ARHGAP32: variants seen among roughly 807,000 people sequenced by gnomAD.
The protein encoded by ARHGAP32 is rho GTPase-activating protein 32.
In ARHGAP32, 51 loss-of-function variants were observed where a neutral mutation model predicts 186.5. The observed-to-expected ratio is 0.27, with a 90% CI of 0.22 to 0.35. The LOEUF (loss-of-function observed/expected upper bound fraction) is 0.35. Ranked by LOEUF, ARHGAP32 falls within the 10% of genes least tolerant of loss-of-function variation. The pLI is 1.00. For synonymous variants in ARHGAP32, 950 were observed against 964.3 expected (o/e 0.99, Z 0.27); for missense variants, 2,186 against 2,623.5 (o/e 0.83, Z 3.64).
chr11:128,974,424 T>C lies in ARHGAP32; in HGVS notation c.2773A>G (p.Ile925Val), dbSNP rs767488400. Residue 925 changes from isoleucine (I) to valine (V), a missense_variant, in exon 21 of 23, where the codon ATT becomes GTT. Physicochemically the swap from Ile to Val is conservative, Grantham distance 29 (BLOSUM62 3). Transcript: ENST00000682385. ...ACCCGTGGTGGTAGGGTCACTGAAA[T>C]TGGCTCAGATATGCTCATAGAAGGT... The part of the protein sequence containing the change: ...KSPSMSISEP[I>V]SVTLPPRVSE... 2 of 1,614,050 alleles carry C rather than the reference T, an allele frequency of 1.2e-6. No individual in the cohort carries two copies. Among genetic ancestry groups the C allele is most frequent in the South Asian group, 2.2e-5 (2 of 91,082 alleles).
intron 11 of ARHGAP32, among the ~76,000 whole-genome samples, chr11:129,033,437 T>A (rs1005890684): frequency 2.0e-5 from 3 of 152,192 alleles, no homozygotes; most frequent in Non-Finnish European, 4.4e-5. Flanking sequence ...TAAATTTTAA[T>A]TATTCTGGTT....
chr11:129,060,347 AGATAGATAGATAGAT>A (rs1268025246), intron 10 of ARHGAP32, among the ~76,000 whole-genome samples: 402 of 120,100 alleles, frequency 3.3e-3, no homozygotes, highest in African/African-American at 0.011. Context: ...ATAGATAGAT[AGATAGATAGATAGAT>A]AGATAGATAG....
chr11:129,277,018 A>C (rs778188512), intron 1 of ARHGAP32, among the ~76,000 whole-genome samples: 1 of 152,224 alleles, frequency 6.6e-6, no homozygotes, highest in Non-Finnish European at 1.5e-5. Context: ...TTACTCTTTA[A>C]AAGTTCAACT....
intron 1 of ARHGAP32, among the ~76,000 whole-genome samples, chr11:129,187,767 A>G (rs1040521863): frequency 1.3e-5 from 2 of 152,224 alleles, no homozygotes; most frequent in African/African-American, 4.8e-5. Flanking sequence ...GTTACAAAAC[A>G]ATATAAGTTG....
intron 1 of ARHGAP32, among the ~76,000 whole-genome samples, chr11:129,225,188 A>G (rs1944763599): frequency 6.6e-6 from 1 of 152,172 alleles, no homozygotes; most frequent in Non-Finnish European, 1.5e-5. Flanking sequence ...AAAGATAAAT[A>G]CACTAATGAA....
chr11:129,006,103 C>T (rs1180182290), intron 11 of ARHGAP32, among the ~76,000 whole-genome samples: 2 of 152,208 alleles, frequency 1.3e-5, no homozygotes, highest in Admixed American at 1.3e-4. Flanking sequence ...ATCTCTTAAA[C>T]ATATCTGATA....
intron 1 of ARHGAP32, among the ~76,000 whole-genome samples, chr11:129,255,460 T>G (rs1188451230): frequency 1.3e-5 from 2 of 152,014 alleles, no homozygotes; most frequent in Non-Finnish European, 2.9e-5. Flanking sequence ...AGATCATCTC[T>G]CAGACATTAG....
At chr11:129,106,794 A>C (rs1942060202) in intron 5 of ARHGAP32, among the ~76,000 whole-genome samples, 1 of 152,218 alleles carries the variant, frequency 6.6e-6, no homozygotes, top group Non-Finnish European at 1.5e-5. Context: ...TGTAATGAAC[A>C]GAAAGAAGAA....
At chr11:128,980,064 C>T (rs975873674) in intron 18 of ARHGAP32, among the ~76,000 whole-genome samples, 3 of 152,152 alleles carry the variant, frequency 2.0e-5, no homozygotes, top group Non-Finnish European at 2.9e-5. Flanking sequence ...TGTGACTGGA[C>T]GACTGCACAA....
At chr11:129,236,189 A>G (rs577879676) in intron 1 of ARHGAP32, among the ~76,000 whole-genome samples, 2 of 152,250 alleles carry the variant, frequency 1.3e-5, no homozygotes, top group East Asian at 3.9e-4. Flanking sequence ...TCCCAATAAC[A>G]GTGTAAAACT....
At chr11:129,059,494 C>T (rs1454499014) in intron 10 of ARHGAP32, among the ~76,000 whole-genome samples, 3 of 127,164 alleles carry the variant, frequency 2.4e-5, no homozygotes, top group Non-Finnish European at 4.9e-5. Context: ...TACTGATTTG[C>T]AATTTTTTTT....
intron 5 of ARHGAP32, among the ~76,000 whole-genome samples, chr11:129,113,892 A>T (rs1942294340): frequency 1.3e-5 from 2 of 152,022 alleles, no homozygotes. Context: ...GACCAACCTA[A>T]TCGCCCTAGA....
chr11:129,198,767 A>G (rs1944424730), intron 1 of ARHGAP32, among the ~76,000 whole-genome samples: 1 of 152,234 alleles, frequency 6.6e-6, no homozygotes, highest in Admixed American at 6.5e-5. Context: ...GCACTGCTGC[A>G]AAGATACCCG....
At chr11:129,014,788 C>A (rs1007153421) in intron 11 of ARHGAP32, among the ~76,000 whole-genome samples, 4 of 152,048 alleles carry the variant, frequency 2.6e-5, no homozygotes, top group African/African-American at 4.8e-5. Flanking sequence ...GATTAGATAA[C>A]CACTGGGTAG....
intron 11 of ARHGAP32, among the ~76,000 whole-genome samples, chr11:129,000,596 A>G (rs1190394150): frequency 6.6e-6 from 1 of 152,226 alleles, no homozygotes; most frequent in African/African-American, 2.4e-5. Context: ...CATCCCATCA[A>G]GCATTTATCC....
intron 10 of ARHGAP32, among the ~76,000 whole-genome samples, chr11:129,052,444 C>T (rs1940090676): frequency 6.6e-6 from 1 of 152,150 alleles, no homozygotes; most frequent in Admixed American, 6.5e-5. Context: ...TACACAAGAG[C>T]CTGCCTGGGA....
intron 1 of ARHGAP32, among the ~76,000 whole-genome samples, chr11:129,209,236 T>C (rs1232572218): frequency 6.6e-6 from 1 of 152,110 alleles, no homozygotes; most frequent in African/African-American, 2.4e-5. Flanking sequence ...GTCAAGCTGG[T>C]TGAGCATTCA....
In ARHGAP32 at chr11:128,968,755, G is replaced by A; in HGVS notation, c.*152C>T. ...GAGGGGGTAATGAAGCAGGGAAGGGGAAAAAGATGCTGATTTGTTTACTTT... is the reference window on the plus strand; with the variant it reads ...GAGGGGGTAATGAAGCAGGGAAGGGAAAAAAGATGCTGATTTGTTTACTTT... On this transcript the variant is annotated 3_prime_UTR_variant, in exon 23 of 23. Transcript: ENST00000682385. The A allele has an allele frequency of 1.7e-6, 1 of 601,446 alleles. No homozygotes were observed. 37.3% of individuals were successfully genotyped at this position (601,446 alleles called of 1,614,324 possible).
intron 1 of ARHGAP32, chr11:129,202,881 G>C (rs1181194734): frequency 1.3e-5 from 2 of 152,080 alleles, no homozygotes; most frequent in African/African-American, 2.4e-5. Flanking sequence ...AAGTGCTCTT[G>C]TGCAAGGGGG....
Sources: gnomAD v4.1 joint callset for allele counts (sites outside exome capture counted in the v4.1 genomes callset) on GRCh38, gnomAD v4.1.1 for gene constraint, MANE v1.5 for transcripts, NCBI Gene and HGNC (gene_info 2026-07-23, HGNC 2026-07-21) for gene names.